UNC79: variants seen among roughly 807,000 people sequenced by gnomAD.
The protein encoded by UNC79 is protein unc-79 homolog.
UNC79 carries 37 observed loss-of-function variants against 283.1 expected under a neutral mutation model. The observed-to-expected ratio is 0.13, with a 90% CI of 0.10 to 0.17. The LOEUF is 0.17. Ranked by LOEUF, UNC79 falls within the 10% of genes least tolerant of loss-of-function variation. UNC79 has a pLI of 1.00. For synonymous variants in UNC79, 1,107 were observed against 1,200.2 expected (o/e 0.92, Z 1.61); for missense variants, 2,272 against 3,211.1 (o/e 0.71, Z 7.07).
rs1303840520 is a variant in UNC79 at position 93,420,088 on chromosome 14, T to C, written c.-350-47583T>C. 2.7e-5 allele frequency among the ~76,000 whole-genome samples: 4 copies of C among 149,904 alleles called. 1 individual carries two copies. The highest frequency in any genetic ancestry group is 5.9e-5 in the Non-Finnish European group (4 of 67,408). On this transcript the variant is annotated intron_variant, in intron 1 of 49. Coordinates refer to the UNC79 transcript ENST00000256339. Reference sequence around the variant, plus strand: ...AACAACCAGAAAGCAAATAACAAAATGGTAGGAGTAAGTCCTTACTTATCA... The same window carrying C: ...AACAACCAGAAAGCAAATAACAAAACGGTAGGAGTAAGTCCTTACTTATCA...
chr14:93,690,461 T>G lies in UNC79; in HGVS notation c.7272+158T>G, dbSNP rs1472120239. 5 of 804,710 alleles carry G rather than the reference T, an allele frequency of 6.2e-6. No homozygotes were observed. The highest frequency in any genetic ancestry group is 9.0e-6 in the Non-Finnish European group (5 of 553,110). The allele number at this position is 804,710 out of a possible 1,614,324, so 49.8% of individuals were successfully genotyped here. A position where few individuals can be genotyped will look rare whatever the true frequency, so the allele number is the denominator to read the frequency against. ...TTTGTGCTAATGTCTTATTTAAAGTTGTTTAGATTCCCAGACTGTCTTTCC... is the reference window on the plus strand; with the variant it reads ...TTTGTGCTAATGTCTTATTTAAAGTGGTTTAGATTCCCAGACTGTCTTTCC... On this transcript the variant is annotated intron_variant, in intron 45 of 48. Transcript: ENST00000555664. The surrounding 1 kb of genome is among the most constrained non-coding windows in gnomAD (Gnocchi z 4.3).
At chr14:93,368,877 A>G (rs2054388657) in intron 1 of UNC79, among the ~76,000 whole-genome samples, 1 of 152,214 alleles carries the variant, frequency 6.6e-6, no homozygotes, top group African/African-American at 2.4e-5. Flanking sequence ...CAAAGACTGA[A>G]AGCTGACTGT....
At chr14:93,573,757 A>G (rs2063329199) in intron 16 of UNC79, among the ~76,000 whole-genome samples, 2 of 152,254 alleles carry the variant, frequency 1.3e-5, no homozygotes, top group Non-Finnish European at 2.9e-5. Flanking sequence ...CTGTAATCCC[A>G]GAACTTTGGG....
rs182117528 is a variant in UNC79, at chr14:93,404,745, C to G, written c.-350-62926C>G. ...GAATAAACATAAAAAGATTCAACTC[C>G]TCTCTTAATGAAAGAGAGCAGATTG... On this transcript the variant is annotated intron_variant, in intron 1 of 49. Transcript: ENST00000256339. Among the ~76,000 whole-genome samples, 298 of 151,044 alleles carry G rather than the reference C, an allele frequency of 2.0e-3. 4 individuals carry two copies. The highest frequency in any genetic ancestry group is 0.018 in the Admixed American group (265 of 15,126).
chr14:93,655,644 G>GAAAA (rs59172906), intron 38 of UNC79, among the ~76,000 whole-genome samples: 5 of 81,738 alleles, frequency 6.1e-5, no homozygotes, highest in African/African-American at 1.2e-4. Flanking sequence ...CAGTTGATTT[G>GAAAA]AAAAAAAAAA....
intron 29 of UNC79, among the ~76,000 whole-genome samples, chr14:93,620,607 G>A (rs543216271): frequency 1.3e-5 from 2 of 152,256 alleles, no homozygotes; most frequent in Admixed American, 1.3e-4. Context: ...AAGCACACTG[G>A]AAAAGTTTCC....
intron 47 of UNC79, among the ~76,000 whole-genome samples, chr14:93,695,579 A>G (rs966332145): frequency 6.6e-6 from 1 of 152,142 alleles, no homozygotes; most frequent in Admixed American, 6.5e-5. Context: ...CAAGACAATG[A>G]ACATATCCAT....
chr14:93,399,817 G>T (rs541868171), intron 1 of UNC79, among the ~76,000 whole-genome samples: 2 of 152,302 alleles, frequency 1.3e-5, no homozygotes, highest in South Asian at 2.1e-4. Context: ...AATCTCCTAT[G>T]TGCAGATTTC....
intron 1 of UNC79, among the ~76,000 whole-genome samples, chr14:93,348,716 T>G (rs989250412): frequency 6.6e-6 from 1 of 152,242 alleles, no homozygotes; most frequent in Non-Finnish European, 1.5e-5. Flanking sequence ...TGAAGAATCA[T>G]ACACATCTTT....
chr14:93,602,114 C>T (rs1449061304), intron 25 of UNC79, among the ~76,000 whole-genome samples: 1 of 152,086 alleles, frequency 6.6e-6, no homozygotes, highest in Non-Finnish European at 1.5e-5. Flanking sequence ...TAATTAGGCT[C>T]CATCTGTTTA....
At chr14:93,532,475 A>G in intron 10 of UNC79, 75 bp from the exon 11 acceptor site, 1 of 1,525,040 alleles carries the variant, frequency 6.6e-7, no homozygotes, top group East Asian at 2.5e-5. Flanking sequence ...GTCTCAAAAA[A>G]TAAATTAATT....
At chr14:93,706,802 T>C in exon 49 of UNC79, 2 of 1,614,244 alleles carry the variant, frequency 1.2e-6, no homozygotes, top group Non-Finnish European at 1.7e-6. Flanking sequence ...AGAGCAGTGC[T>C]GGCCTGGCAG....
chr14:93,434,219 GA>G (rs1287287778), intron 1 of UNC79, among the ~76,000 whole-genome samples: 145 of 125,572 alleles, frequency 1.2e-3, no homozygotes, highest in Middle Eastern at 7.5e-3. Flanking sequence ...GTCTCAAAAA[GA>G]AAAAAAAAAA....
intron 7 of UNC79, among the ~76,000 whole-genome samples, chr14:93,500,626 C>G (rs1189423617): frequency 2.0e-5 from 3 of 152,162 alleles, no homozygotes; most frequent in Non-Finnish European, 2.9e-5. Flanking sequence ...CAGATGTTTT[C>G]TCAATTAAAC....
chr14:93,620,295 T>G (rs951004652), intron 29 of UNC79, among the ~76,000 whole-genome samples: 1 of 152,224 alleles, frequency 6.6e-6, no homozygotes, highest in Non-Finnish European at 1.5e-5. Context: ...GTGGAGCTTT[T>G]GAGATGACAA....
At position 93,374,006 on chromosome 14, in the gene UNC79, A is replaced by G. The variant is rs11852064; in HGVS notation, c.-351+40483A>G. Among the ~76,000 whole-genome samples the G allele has an allele frequency of 1.4e-4, 21 of 152,084 alleles. 1 individual carries two copies. The East Asian group carries it at 3.5e-3, about 25-fold the overall frequency. ...AATCAAAAGCGGTGGAGGCTTGGCAACCTCCACCCAGATTTCAAAAGATGT... is the reference window on the plus strand; with the variant it reads ...AATCAAAAGCGGTGGAGGCTTGGCAGCCTCCACCCAGATTTCAAAAGATGT... On this transcript the variant is annotated intron_variant, in intron 1 of 49. Transcript: ENST00000256339.
chr14:93,551,187 C>G (rs2061878702), intron 14 of UNC79, among the ~76,000 whole-genome samples: 1 of 152,144 alleles, frequency 6.6e-6, no homozygotes, highest in African/African-American at 2.4e-5. Context: ...GTAGCTGGGA[C>G]TACAGGCGCC....
chr14:93,692,721 G>A (rs2074791827), intron 46 of UNC79, among the ~76,000 whole-genome samples: 1 of 152,212 alleles, frequency 6.6e-6, no homozygotes, highest in South Asian at 2.1e-4. Context: ...AGAGCTCATT[G>A]GAAAATGTCT....
chr14:93,403,991 C>G (rs1442439729), intron 1 of UNC79, among the ~76,000 whole-genome samples: 1 of 151,586 alleles, frequency 6.6e-6, no homozygotes, highest in Non-Finnish European at 1.5e-5. Context: ...TGTTTTCTAG[C>G]TGTATAACTT....
Sources: allele counts gnomAD v4.1 joint callset (sites outside exome capture counted in the v4.1 genomes callset), GRCh38; gene constraint gnomAD v4.1.1; non-coding constraint Gnocchi (gnomAD v3.1); transcripts MANE v1.5; gene names NCBI Gene and HGNC (gene_info 2026-07-23, HGNC 2026-07-21).